CNTN5: variants seen among roughly 807,000 people sequenced by gnomAD.
CNTN5 encodes contactin-5.
In CNTN5, 77 loss-of-function variants were observed where a neutral mutation model predicts 129.1. The ratio of observed to expected loss-of-function variants is 0.60; its 90% CI spans 0.50 to 0.72. CNTN5 has a LOEUF of 0.72. Among genes scored for constraint, CNTN5 ranks in the 30% least tolerant of loss-of-function variants. The pLI, the probability that CNTN5 is intolerant of heterozygous loss-of-function variation, is 0.00. For missense variants in CNTN5, 1,478 were observed against 1,328.8 expected (o/e 1.11, Z -1.75); for synonymous variants, 509 against 465.6 (o/e 1.09, Z -1.20).
intron 8 of CNTN5, among the ~76,000 whole-genome samples, chr11:99,968,264 T>A (rs1162883439): frequency 6.6e-6 from 1 of 152,158 alleles, no homozygotes; most frequent in African/African-American, 2.4e-5. Context: ...GAAAGATTAC[T>A]GTTTATTAGG....
intron 1 of CNTN5, among the ~76,000 whole-genome samples, chr11:99,315,166 A>G (rs1241764257): frequency 6.7e-6 from 1 of 149,450 alleles, no homozygotes; most frequent in Non-Finnish European, 1.5e-5. Flanking sequence ...TGGTCTGGCT[A>G]GTAGTTCACT....
chr11:100,220,132 C>G (rs112956216), intron 15 of CNTN5, among the ~76,000 whole-genome samples: 3,224 of 152,052 alleles, frequency 0.021, 109 homozygotes, highest in African/African-American at 0.074. Flanking sequence ...AAAAAATTAG[C>G]CGGGCGTGGT....
At chr11:99,788,503 G>T (rs531503611) in intron 3 of CNTN5, among the ~76,000 whole-genome samples, 2 of 151,892 alleles carry the variant, frequency 1.3e-5, no homozygotes, top group Non-Finnish European at 2.9e-5. Flanking sequence ...ATTCCCTTTT[G>T]TAATGAGAAA....
chr11:100,070,603 G>T, intron 11 of CNTN5, 43 bp downstream of exon 11: 1 of 1,595,164 alleles, frequency 6.3e-7, no homozygotes, highest in Non-Finnish European at 8.6e-7. Flanking sequence ...TAATTTTAGC[G>T]AGATTTCACA....
intron 1 of CNTN5, among the ~76,000 whole-genome samples, chr11:99,116,049 A>G (rs188330516): frequency 6.6e-6 from 1 of 152,322 alleles, no homozygotes; most frequent in African/African-American, 2.4e-5. Context: ...TTTCAGACAC[A>G]TGATCAACTT....
At chr11:99,740,961 A>G (rs965483990) in intron 3 of CNTN5, among the ~76,000 whole-genome samples, 4 of 152,070 alleles carry the variant, frequency 2.6e-5, no homozygotes, top group Admixed American at 1.3e-4. Context: ...TATTACTACT[A>G]TTTATTTTTG....
At chr11:99,395,919 A>G (rs1374970642) in intron 2 of CNTN5, among the ~76,000 whole-genome samples, 1 of 151,942 alleles carries the variant, frequency 6.6e-6, no homozygotes, top group African/African-American at 2.4e-5. Context: ...TTTTTGTACC[A>G]GTACCATGCT....
intron 1 of CNTN5, among the ~76,000 whole-genome samples, chr11:99,026,587 A>G (rs1311751520): frequency 4.6e-5 from 7 of 151,648 alleles, no homozygotes; most frequent in Non-Finnish European, 7.4e-5. Context: ...CTCATGATTT[A>G]TTGATGATTA....
intron 6 of CNTN5, among the ~76,000 whole-genome samples, chr11:99,908,055 A>G (rs1008253521): frequency 6.6e-6 from 1 of 152,050 alleles, no homozygotes; most frequent in Non-Finnish European, 1.5e-5. Flanking sequence ...TTTAGCATCT[A>G]GAGATGTAGT....
At chr11:99,056,167 A>T in intron 1 of CNTN5, among the ~76,000 whole-genome samples, 1 of 151,938 alleles carries the variant, frequency 6.6e-6, no homozygotes, top group East Asian at 1.9e-4. Context: ...CAAACTATAA[A>T]CTTATTCACT....
chr11:99,590,072 C>A (rs1949928893), intron 3 of CNTN5, among the ~76,000 whole-genome samples: 1 of 151,914 alleles, frequency 6.6e-6, no homozygotes, highest in African/African-American at 2.4e-5. Context: ...GAAGGATCAT[C>A]CAGAGGAAGA....
intron 1 of CNTN5, among the ~76,000 whole-genome samples, chr11:99,305,871 C>T (rs1864851396): frequency 6.6e-6 from 1 of 151,862 alleles, no homozygotes; most frequent in Admixed American, 6.6e-5. Context: ...GTCCCAGCTA[C>T]TCGGGAGGCT....
At chr11:99,933,726 C>T (rs568841744) in intron 7 of CNTN5, among the ~76,000 whole-genome samples, 24 of 152,114 alleles carry the variant, frequency 1.6e-4, no homozygotes, top group Admixed American at 2.6e-4. Flanking sequence ...ACGTAATTGT[C>T]GTTTTTGCCA....
At chr11:99,402,171 TATTTCC>T (rs1374907129) in intron 2 of CNTN5, among the ~76,000 whole-genome samples, 1 of 152,218 alleles carries the variant, frequency 6.6e-6, no homozygotes, top group African/African-American at 2.4e-5. Flanking sequence ...AGGCTTTTAG[TATTTCC>T]CCATTCAGTA....
chr11:99,299,585 G>C (rs917750585), intron 1 of CNTN5, among the ~76,000 whole-genome samples: 10 of 152,088 alleles, frequency 6.6e-5, no homozygotes, highest in Non-Finnish European at 1.2e-4. Context: ...GTCACTTATT[G>C]CCCATTGTAT....
intron 3 of CNTN5, among the ~76,000 whole-genome samples, chr11:99,609,829 G>A (rs753062115): frequency 3.3e-4 from 50 of 152,098 alleles, no homozygotes; most frequent in Non-Finnish European, 6.5e-4. Context: ...TTTACTGGGT[G>A]TAGTTCTTTT....
chr11:100,014,965 T>C (rs1940744838), intron 9 of CNTN5, among the ~76,000 whole-genome samples: 1 of 152,160 alleles, frequency 6.6e-6, no homozygotes, highest in Admixed American at 6.5e-5. Context: ...GGTGACCATT[T>C]AGGCGTTTTC....
At chr11:99,516,244 T>G (rs1488891939) in intron 2 of CNTN5, among the ~76,000 whole-genome samples, 1 of 152,108 alleles carries the variant, frequency 6.6e-6, no homozygotes, top group Admixed American at 6.6e-5. Flanking sequence ...TAAAAATCAT[T>G]TTTACCATTC....
chr11:99,184,095 T>A (rs925591236), intron 1 of CNTN5, among the ~76,000 whole-genome samples: 1 of 152,124 alleles, frequency 6.6e-6, no homozygotes, highest in Non-Finnish European at 1.5e-5. Context: ...TACACTGTTT[T>A]CCTAATCTCA....
Sources: allele counts gnomAD v4.1 joint callset (sites outside exome capture counted in the v4.1 genomes callset), GRCh38; gene constraint gnomAD v4.1.1; transcripts MANE v1.5; gene names NCBI Gene and HGNC (gene_info 2026-07-23, HGNC 2026-07-21).